CSNK1G1: variants seen among roughly 807,000 people sequenced by gnomAD.
The protein encoded by CSNK1G1 is casein kinase I isoform gamma-1.
In CSNK1G1, 22 loss-of-function variants were observed where a neutral mutation model predicts 59.6. The observed-to-expected ratio is 0.37, with a 90% CI of 0.26 to 0.53. The LOEUF is 0.53. Ranked by LOEUF, CSNK1G1 falls within the 20% of genes least tolerant of loss-of-function variation. The pLI is 0.89. For synonymous variants in CSNK1G1, 179 were observed against 177.1 expected (o/e 1.01, Z -0.08); for missense variants, 384 against 519.5 (o/e 0.74, Z 2.54).
In CSNK1G1 at chr15:64,210,761, C is replaced by T. The variant is rs7177014; in HGVS notation, c.679+3129G>A. 0.055 allele frequency among the ~76,000 whole-genome samples: 8,340 copies of T among 152,164 alleles called. 702 individuals carry two copies. Among genetic ancestry groups the T allele is most frequent in the African/African-American group, 0.18 (7,552 of 41,474 alleles). ...TACTATGGTCTGGATTTCTGTCCTT[C>T]CCCCGGACCCCCCAACACACACAAA... On this transcript the variant is annotated intron_variant, in intron 6 of 11. Transcript: ENST00000303052. This position sits in a 1 kb window ranked among gnomAD's most constrained non-coding sequence, Gnocchi z 4.2.
intron 10 of CSNK1G1, among the ~76,000 whole-genome samples, chr15:64,194,751 G>C (rs1015162109): frequency 3.9e-5 from 6 of 152,058 alleles, no homozygotes; most frequent in Non-Finnish European, 5.9e-5. Context: ...CCTGGCCTCA[G>C]GTGATCCACC....
At chr15:64,264,390 C>T (rs1347767539) in intron 2 of CSNK1G1, among the ~76,000 whole-genome samples, 2 of 152,062 alleles carry the variant, frequency 1.3e-5, no homozygotes, top group Non-Finnish European at 2.9e-5. Context: ...TAAAGACTCC[C>T]CCAGCAAAGA....
At chr15:64,274,556 G>A (rs912564724) in intron 2 of CSNK1G1, among the ~76,000 whole-genome samples, 3 of 152,136 alleles carry the variant, frequency 2.0e-5, no homozygotes, top group African/African-American at 7.2e-5. Flanking sequence ...CGCTTCCCAA[G>A]CTCACTTCCT....
chr15:64,341,661 G>A (rs1369086546), intron 1 of CSNK1G1, among the ~76,000 whole-genome samples: 1 of 151,972 alleles, frequency 6.6e-6, no homozygotes, highest in Non-Finnish European at 1.5e-5. Flanking sequence ...TTTTTATAGA[G>A]ACAGAGTCTT....
At chr15:64,238,519 ATAT>A (rs1283249327) in intron 4 of CSNK1G1, among the ~76,000 whole-genome samples, 14 of 71,464 alleles carry the variant, frequency 2.0e-4, no homozygotes, top group African/African-American at 8.6e-4. Context: ...AAAAAAAAAA[ATAT>A]ATATATATAT....
chr15:64,254,315 G>C (rs1036264031), intron 3 of CSNK1G1, among the ~76,000 whole-genome samples: 2 of 151,662 alleles, frequency 1.3e-5, no homozygotes, highest in Non-Finnish European at 2.9e-5. Context: ...TGGTGGTGAT[G>C]GTTGTACACC....
In CSNK1G1 at chr15:64,190,484, C is replaced by T. The variant is rs1033565911; in HGVS notation, c.1108-10030G>A. 4.6e-5 allele frequency among the ~76,000 whole-genome samples: 7 copies of T among 152,096 alleles called. No individual in the cohort carries two copies. The East Asian group carries it at 9.7e-4, about 21-fold the overall frequency. ...GGCTAAAGTGCAATGGCGCGATCTC[C>T]GCTCACCACAACCTCCGCCTCTCAG... On this transcript the variant is annotated intron_variant, in intron 10 of 11. Transcript: ENST00000303052.
intron 1 of CSNK1G1, among the ~76,000 whole-genome samples, chr15:64,341,985 T>C (rs1000455884): frequency 2.6e-5 from 4 of 152,236 alleles, no homozygotes; most frequent in Non-Finnish European, 5.9e-5. Flanking sequence ...CCATCGGTTA[T>C]TCCTCATGGT....
intron 1 of CSNK1G1, among the ~76,000 whole-genome samples, chr15:64,333,432 T>TGAAA (rs1897222146): frequency 2.3e-3 from 1 of 434 alleles, no homozygotes; most frequent in African/African-American, 2.9e-3. Flanking sequence ...AGACACCATC[T>TGAAA]CAAAAAAAAA....
chr15:64,322,367 C>T (rs1015306921), intron 1 of CSNK1G1, among the ~76,000 whole-genome samples: 1 of 151,798 alleles, frequency 6.6e-6, no homozygotes, highest in Non-Finnish European at 1.5e-5. Context: ...TTTTTAAATA[C>T]AGACACGGTC....
At chr15:64,290,697 C>T (rs1448042448) in intron 2 of CSNK1G1, among the ~76,000 whole-genome samples, 1 of 152,026 alleles carries the variant, frequency 6.6e-6, no homozygotes, top group African/African-American at 2.4e-5. Flanking sequence ...CACATAACAA[C>T]AAAAAAATTA....
At chr15:64,267,245 A>T (rs1382298143) in intron 2 of CSNK1G1, among the ~76,000 whole-genome samples, 1 of 147,994 alleles carries the variant, frequency 6.8e-6, no homozygotes, top group Non-Finnish European at 1.5e-5. Flanking sequence ...AGACAAAGCG[A>T]GACCTTATCT....
chr15:64,311,557 G>A (rs555781378), intron 1 of CSNK1G1, among the ~76,000 whole-genome samples: 2 of 152,058 alleles, frequency 1.3e-5, no homozygotes, highest in South Asian at 2.1e-4. Flanking sequence ...GGAGGCTGTG[G>A]TGAGAGGCTC....
chr15:64,240,324 A>G (rs1179376641), intron 4 of CSNK1G1, among the ~76,000 whole-genome samples: 1 of 152,180 alleles, frequency 6.6e-6, no homozygotes, highest in Admixed American at 6.6e-5. Flanking sequence ...ACAAACATGC[A>G]TATTATATGA....
chr15:64,332,733 CA>C lies in CSNK1G1; in HGVS notation c.-225+23254del, dbSNP rs1472697285. Among the ~76,000 whole-genome samples the C allele has an allele frequency of 2.2e-5, 3 of 137,730 alleles. No individual in the cohort carries two copies. In the South Asian group the frequency reaches 7.0e-4, roughly 32 times the overall value. 90.4% of individuals were successfully genotyped at this position (137,730 alleles called of 152,430 possible). ...AATCACAAAACAATTTAAAAAAAAA[CA>C]AAAACAAAAAAAAAGTAGTTGAAAA... On this transcript the variant is annotated intron_variant, in intron 1 of 11. Transcript: ENST00000303052.
rs2082291116 is a variant in CSNK1G1, at chr15:64,214,906, T to C, written c.445-782A>G. Among the ~76,000 whole-genome samples the C allele has an allele frequency of 6.6e-6, 1 of 152,104 alleles. No homozygotes were observed. Among genetic ancestry groups the C allele is most frequent in the African/African-American group, 2.4e-5 (1 of 41,430 alleles). ...CGTCCTCCTCGGCCTCCCAAAATGC[T>C]AGGATTACAGGCATGAGCCACCATG... is the stretch of plus-strand genomic sequence containing the variant. On this transcript the variant is annotated intron_variant, in intron 5 of 11. Transcript: ENST00000303052. This position sits in a 1 kb window ranked among gnomAD's most constrained non-coding sequence, Gnocchi z 4.3.
chr15:64,308,369 G>T (rs1895802363), intron 1 of CSNK1G1, among the ~76,000 whole-genome samples: 1 of 152,116 alleles, frequency 6.6e-6, no homozygotes, highest in Non-Finnish European at 1.5e-5. Context: ...ACAGTGTTGG[G>T]ATTACAGGAA....
At chr15:64,309,355 T>C (rs1399653) in intron 1 of CSNK1G1, among the ~76,000 whole-genome samples, 5,246 of 140,352 alleles carry the variant, frequency 0.037, 93 homozygotes, top group South Asian at 0.068. Flanking sequence ...CACACACAAA[T>C]AAATGAGTTC....
chr15:64,205,000 G>A (rs2082158372), intron 7 of CSNK1G1, 51 bp from the exon 8 acceptor site: 6 of 1,027,902 alleles, frequency 5.8e-6, no homozygotes, highest in Middle Eastern at 2.0e-4. Flanking sequence ...CTAAACATGG[G>A]AGATTCAATA....
Sources: gnomAD v4.1 joint callset for allele counts (sites outside exome capture counted in the v4.1 genomes callset) on GRCh38, gnomAD v4.1.1 for gene constraint, Gnocchi (gnomAD v3.1) non-coding constraint, MANE v1.5 for transcripts, NCBI Gene and HGNC (gene_info 2026-07-23, HGNC 2026-07-21) for gene names.